The following DAB1 variants were observed in gnomAD, a reference collection of about 807,000 sequenced individuals.
The protein encoded by DAB1 is DAB adaptor protein 1, also known as disabled homolog 1.
A neutral mutation model predicts 64.6 loss-of-function variants in DAB1; 15 were observed. The ratio of observed to expected loss-of-function variants is 0.23; its 90% CI spans 0.16 to 0.36. The LOEUF is 0.36. Among genes scored for constraint, DAB1 ranks in the 10% least tolerant of loss-of-function variants. The pLI, the probability that DAB1 is intolerant of heterozygous loss-of-function variation, is 1.00. For synonymous variants in DAB1, 235 were observed against 251.9 expected, an observed-to-expected ratio of 0.93 and a Z score of 0.64; for missense variants, 596 against 706.7, an observed-to-expected ratio of 0.84 and a Z score of 1.78.
chr1:58,061,559 A>C (rs1302173894), intron 5 of DAB1, among the ~76,000 whole-genome samples: 1 of 152,196 alleles, frequency 6.6e-6, no homozygotes, highest in Non-Finnish European at 1.5e-5. Flanking sequence ...ATACTGGATT[A>C]GAACCACCCC....
chr1:57,390,549 G>T (rs780708543), intron 1 of DAB1, among the ~76,000 whole-genome samples: 75 of 152,240 alleles, frequency 4.9e-4, no homozygotes, highest in African/African-American at 1.6e-3. Context: ...TATTCCAGTG[G>T]CATGGATAAT....
chr1:57,949,452 C>T (rs971913084), intron 5 of DAB1, among the ~76,000 whole-genome samples: 3 of 148,096 alleles, frequency 2.0e-5, no homozygotes, highest in African/African-American at 7.5e-5. Context: ...CTGTGTTAAG[C>T]AATTCTTTAT....
At chr1:57,387,962 CCT>C (rs141664121) in intron 1 of DAB1, among the ~76,000 whole-genome samples, 8,685 of 152,132 alleles carry the variant, frequency 0.057, 776 homozygotes, top group African/African-American at 0.19. Context: ...GCTACATGCC[CCT>C]CTGTCTTCTT....
chr1:57,301,916 TCTC>T (rs1419939660), intron 1 of DAB1, among the ~76,000 whole-genome samples: 1 of 152,108 alleles, frequency 6.6e-6, no homozygotes, highest in African/African-American at 2.4e-5. Context: ...GATGCCACCT[TCTC>T]CTTCTGGAGG....
rs566427677 is a variant in DAB1 at position 57,406,192 on chromosome 1, C to A, written c.-137+17738G>T. On this transcript the variant is annotated intron_variant, in intron 1 of 14. Coordinates refer to ENST00000371236, the MANE Select transcript of DAB1 (RefSeq NM_001365792.1). ...CAGCTATTGTTTCCATCACACCTCA[C>A]CCTGTAAGCCCAGAGCCCAGCACAG... Among the ~76,000 whole-genome samples the A allele has an allele frequency of 2.0e-5, 3 of 152,326 alleles. No homozygotes were observed. In the South Asian group the frequency reaches 6.2e-4, roughly 32 times the overall value.
At chr1:57,339,972 A>G (rs145504783) in intron 1 of DAB1, among the ~76,000 whole-genome samples, 132 of 152,324 alleles carry the variant, frequency 8.7e-4, no homozygotes, top group African/African-American at 3.1e-3. Context: ...GACTAGCAGA[A>G]TCTAGGATGG....
At chr1:57,323,708 T>A (rs535188555) in intron 1 of DAB1, among the ~76,000 whole-genome samples, 331 of 152,210 alleles carry the variant, frequency 2.2e-3, no homozygotes, top group African/African-American at 7.6e-3. Flanking sequence ...TAATTAAAAA[T>A]TACATCTTTT....
chr1:57,623,290 C>T (rs938127682), intron 7 of DAB1, among the ~76,000 whole-genome samples: 2 of 152,122 alleles, frequency 1.3e-5, no homozygotes, highest in African/African-American at 2.4e-5. Context: ...CTCATACGCC[C>T]CTGTCTCTTC....
At chr1:57,571,224 G>C (rs1645190381) in intron 7 of DAB1, among the ~76,000 whole-genome samples, 1 of 152,138 alleles carries the variant, frequency 6.6e-6, no homozygotes, top group South Asian at 2.1e-4. Context: ...GCTCTGGCTA[G>C]GACTTCCAGT....
At chr1:57,807,499 A>G in intron 6 of DAB1, among the ~76,000 whole-genome samples, 1 of 152,304 alleles carries the variant, frequency 6.6e-6, no homozygotes, top group African/African-American at 2.4e-5. Flanking sequence ...TATGTCATCA[A>G]GATTTTGGTT....
chr1:57,525,880 T>C (rs967715695), intron 7 of DAB1, among the ~76,000 whole-genome samples: 3 of 152,012 alleles, frequency 2.0e-5, no homozygotes, highest in Non-Finnish European at 4.4e-5. Flanking sequence ...CTATTTTATA[T>C]AGTTGATTGT....
chr1:57,770,198 T>C (rs1165431066), intron 6 of DAB1, among the ~76,000 whole-genome samples: 1 of 152,168 alleles, frequency 6.6e-6, no homozygotes, highest in African/African-American at 2.4e-5. Context: ...GCAGTAGATA[T>C]GATAATCCCC....
chr1:58,186,776 G>A (rs967172801), intron 4 of DAB1, among the ~76,000 whole-genome samples: 7 of 152,158 alleles, frequency 4.6e-5, no homozygotes, highest in African/African-American at 1.7e-4. Context: ...GCTGGCTTTG[G>A]TTGACGGAAT....
In DAB1 at chr1:56,995,537, GAA is replaced by G. The variant is rs1645585391; in HGVS notation, c.*2605_*2606del. The G allele has an allele frequency of 6.6e-6, 1 of 152,208 alleles. No homozygotes were observed. The highest frequency in any genetic ancestry group is 2.4e-5 in the African/African-American group (1 of 41,448). The allele number at this position is 152,208 out of a possible 1,614,324, so 9.4% of individuals were successfully genotyped here. On this transcript the variant is annotated 3_prime_UTR_variant, in exon 15 of 15. Coordinates refer to ENST00000371236, the MANE Select transcript of DAB1 (RefSeq NM_001365792.1). ...AGTTACATTTTCAATCATGTTCAAT[GAA>G]AGAGGACAATTCTCCTGGACTTTCA...
chr1:57,240,574 A>G lies in DAB1; in HGVS notation c.67+50390T>C, dbSNP rs1232173210. ...AATATTAACTTGACCAAAGTCACAA[A>G]TAATTAGAGACATGCAAACTCAAAC... is the stretch of plus-strand genomic sequence containing the variant. On this transcript the variant is annotated intron_variant, in intron 2 of 14. Transcript: ENST00000371236. Among the ~76,000 whole-genome samples, 8 of 152,332 alleles carry G rather than the reference A, an allele frequency of 5.3e-5. No homozygotes were observed. In the East Asian group the frequency reaches 1.5e-3, roughly 29 times the overall value.
In DAB1 at chr1:58,392,991, C is replaced by G. The variant is rs1320388008; in HGVS notation, n.258-49588G>C. On this transcript the variant is annotated intron_variant and non_coding_transcript_variant, in intron 3 of 20. Transcript: ENST00000485760. ...CTATCCCTCAAATGTTGGGATCGGT[C>G]AGAGTTGGGATTGGTCAGAGTTCCA... Among the ~76,000 whole-genome samples the G allele has an allele frequency of 6.6e-5, 10 of 151,892 alleles. No individual in the cohort carries two copies. In the East Asian group the frequency reaches 1.9e-3, roughly 29 times the overall value.
chr1:57,347,690 C>T (rs904177923), intron 1 of DAB1, among the ~76,000 whole-genome samples: 1 of 152,174 alleles, frequency 6.6e-6, no homozygotes, highest in African/African-American at 2.4e-5. Context: ...AAATGCCCAT[C>T]CTAAATTCTG....
chr1:58,530,265 A>C (rs1646414740), intron 1 of DAB1, among the ~76,000 whole-genome samples: 1 of 152,124 alleles, frequency 6.6e-6, no homozygotes, highest in Non-Finnish European at 1.5e-5. Flanking sequence ...GGGACAGCTG[A>C]ATTTGGGAGT....
chr1:57,722,525 C>A (rs1434404521), intron 6 of DAB1, among the ~76,000 whole-genome samples: 1 of 152,190 alleles, frequency 6.6e-6, no homozygotes, highest in Non-Finnish European at 1.5e-5. Context: ...GTATTCCCAG[C>A]AGTGAATACC....
Sources: gnomAD v4.1 joint callset for allele counts (sites outside exome capture counted in the v4.1 genomes callset) on GRCh38, gnomAD v4.1.1 for gene constraint, MANE v1.5 for transcripts, NCBI Gene and HGNC (gene_info 2026-07-23, HGNC 2026-07-21) for gene names.